Variants in GSE1 observed in about 807,000 individuals in gnomAD.
GSE1 encodes Gse1 coiled-coil protein, also known as genetic suppressor element 1.
GSE1 carries 32 observed loss-of-function variants against 112.6 expected under a neutral mutation model. The observed-to-expected ratio is 0.28, with a 90% CI of 0.21 to 0.38. The LOEUF (loss-of-function observed/expected upper bound fraction) is 0.38, where lower values mean the gene tolerates loss of function less well. Among genes scored for constraint, GSE1 ranks in the 10% least tolerant of loss-of-function variants. GSE1 has a pLI of 1.00. For missense variants in GSE1, 2,348 were observed against 1,699.2 expected (o/e 1.38, Z -6.71); for synonymous variants, 1,115 against 735.6 (o/e 1.52, Z -8.35).
chr16:85,287,538 GC>G (rs1255187036), intron 1 of GSE1, among the ~76,000 whole-genome samples: 1 of 152,110 alleles, frequency 6.6e-6, no homozygotes, highest in African/African-American at 2.4e-5. Flanking sequence ...CCACGCCGCT[GC>G]CTCAGGGCCT....
Position 85,367,844 on chromosome 16 carries a change from C to CCTT in GSE1, c.2464+10201_2464+10202insCTT, listed in dbSNP as rs569377200. 2.1e-4 allele frequency among the ~76,000 whole-genome samples: 24 copies of CCTT among 115,008 alleles called. No individual in the cohort carries two copies. The Admixed American group carries it at 2.3e-3, about 11-fold the overall frequency. 75.4% of individuals were successfully genotyped at this position (115,008 alleles called of 152,430 possible). A position where few individuals can be genotyped will look rare whatever the true frequency, so the allele number is the denominator to read the frequency against. On this transcript the variant is annotated intron_variant, in intron 2 of 2. Coordinates refer to the GSE1 transcript ENST00000637419. ...GCAAATGTAAAGAGGAAATAAGATT[C>CCTT]TTTTTTTTTTTTTTTTTTTTCCGAG...
chr16:85,252,760 C>G (rs545818152), intron 1 of GSE1, among the ~76,000 whole-genome samples: 66 of 152,246 alleles, frequency 4.3e-4, no homozygotes, highest in Non-Finnish European at 1.5e-4. Context: ...CCCCATTCAC[C>G]TGCCCCGAGT....
chr16:85,317,418 G>A (rs1047354684), intron 1 of GSE1, among the ~76,000 whole-genome samples: 26 of 152,228 alleles, frequency 1.7e-4, no homozygotes, highest in African/African-American at 5.3e-4. Flanking sequence ...CATGCCCCCA[G>A]GACCAGCCTC....
intron 2 of GSE1, among the ~76,000 whole-genome samples, chr16:85,376,501 C>G (rs925257751): frequency 6.6e-6 from 1 of 152,176 alleles, no homozygotes; most frequent in South Asian, 2.1e-4. Context: ...GAGCCTGTGG[C>G]CGGGTGGTGT....
intron 13 of GSE1, among the ~76,000 whole-genome samples, chr16:85,667,284 A>G (rs959799227): frequency 1.3e-5 from 2 of 150,160 alleles, no homozygotes; most frequent in South Asian, 2.1e-4. Context: ...TCTAGATTTT[A>G]GTCACTCTGC....
At chr16:85,359,082 G>A (rs997524057) in intron 2 of GSE1, among the ~76,000 whole-genome samples, 2 of 152,192 alleles carry the variant, frequency 1.3e-5, no homozygotes, top group Non-Finnish European at 2.9e-5. Context: ...TGCAGGCTGG[G>A]GCCAGGGAGT....
chr16:85,431,682 C>G (rs1743055196), intron 2 of GSE1, among the ~76,000 whole-genome samples: 1 of 152,176 alleles, frequency 6.6e-6, no homozygotes, highest in Non-Finnish European at 1.5e-5. Context: ...CGGAGCGAAG[C>G]TCCACCCAGC....
intron 2 of GSE1, among the ~76,000 whole-genome samples, chr16:85,537,238 C>T (rs1472483913): frequency 6.6e-6 from 1 of 152,200 alleles, no homozygotes; most frequent in Non-Finnish European, 1.5e-5. Context: ...CAGGCTGTCC[C>T]CATGACAACA....
intron 1 of GSE1, among the ~76,000 whole-genome samples, chr16:85,342,339 A>G (rs897163832): frequency 6.6e-6 from 1 of 152,156 alleles, no homozygotes; most frequent in Admixed American, 6.5e-5. Flanking sequence ...GCCATTTTTC[A>G]CTGTAATACC....
At position 85,325,029 on chromosome 16, in the gene GSE1, A is replaced by G. The variant is rs1597393790; in HGVS notation, c.2284-32434A>G. On this transcript the variant is annotated intron_variant, in intron 1 of 2. Transcript: ENST00000637419. ...GTCACTGCAGCTGGAATGCAATGGT[A>G]CAATCTCAGCTTGCTACAACCTCGA... Among the ~76,000 whole-genome samples the G allele has an allele frequency of 2.6e-5, 4 of 152,234 alleles. No homozygotes were observed. The South Asian group carries it at 8.3e-4, about 32-fold the overall frequency.
At chr16:85,482,436 C>T (rs2050708165) in intron 2 of GSE1, among the ~76,000 whole-genome samples, 1 of 152,184 alleles carries the variant, frequency 6.6e-6, no homozygotes, top group African/African-American at 2.4e-5. Flanking sequence ...ACCCCCAGCC[C>T]ATCTCTGACA....
At chr16:85,449,079 C>CG (rs1376288210) in intron 2 of GSE1, among the ~76,000 whole-genome samples, 1 of 152,180 alleles carries the variant, frequency 6.6e-6, no homozygotes, top group Non-Finnish European at 1.5e-5. Flanking sequence ...GGCTGGAAAC[C>CG]GGGCCGGGAG....
chr16:85,366,259 C>T (rs528073080), intron 2 of GSE1, among the ~76,000 whole-genome samples: 3 of 152,240 alleles, frequency 2.0e-5, no homozygotes, highest in African/African-American at 2.4e-5. Flanking sequence ...GCAGCTGCTC[C>T]GGAGGGCACG....
intron 14 of GSE1, among the ~76,000 whole-genome samples, chr16:85,670,408 C>G (rs1282822779): frequency 6.6e-6 from 1 of 152,000 alleles, no homozygotes; most frequent in African/African-American, 2.4e-5. Flanking sequence ...TTGCTCCATC[C>G]TTGTTGAATT....
intron 13 of GSE1, among the ~76,000 whole-genome samples, chr16:85,667,600 G>A (rs62051382): frequency 1.3e-5 from 2 of 152,258 alleles, no homozygotes; most frequent in African/African-American, 2.4e-5. Flanking sequence ...GCTCACGCTT[G>A]TAATTCCAGC....
intron 1 of GSE1, among the ~76,000 whole-genome samples, chr16:85,318,820 C>T (rs550519927): frequency 9.2e-5 from 14 of 152,288 alleles, no homozygotes; most frequent in African/African-American, 1.4e-4. Context: ...GACACAGGGT[C>T]GGGGAGACCT....
chr16:85,359,006 TG>T (rs2047010367), intron 2 of GSE1, among the ~76,000 whole-genome samples: 1 of 151,558 alleles, frequency 6.6e-6, no homozygotes, highest in Admixed American at 6.6e-5. Flanking sequence ...GGGGCAGATG[TG>T]GGGATTAACT....
At chr16:85,672,288 C>T in intron 15 of GSE1, 117 bp from the exon 16 acceptor site, 1 of 763,284 alleles carries the variant, frequency 1.3e-6, no homozygotes, top group Non-Finnish European at 2.2e-6. Flanking sequence ...AGCCACCACG[C>T]CCGGCCGGGA....
chr16:85,534,456 C>T (rs949287192), intron 2 of GSE1, among the ~76,000 whole-genome samples: 1 of 152,124 alleles, frequency 6.6e-6, no homozygotes, highest in African/African-American at 2.4e-5. Flanking sequence ...GTAAAATATA[C>T]ATAACATTAC....
Sources: gnomAD v4.1 joint callset for allele counts (sites outside exome capture counted in the v4.1 genomes callset) on GRCh38, gnomAD v4.1.1 for gene constraint, MANE v1.5 for transcripts, NCBI Gene and HGNC (gene_info 2026-07-23, HGNC 2026-07-21) for gene names.